Variants in SBF2 observed in about 807,000 individuals in gnomAD.
SBF2 encodes SET binding factor 2, also known as myotubularin-related protein 13.
SBF2 carries 112 observed loss-of-function variants against 225.2 expected under a neutral mutation model. The ratio of observed to expected loss-of-function variants is 0.50; its 90% CI spans 0.43 to 0.58. The LOEUF is 0.58. Ranked by LOEUF, SBF2 falls within the 20% of genes least tolerant of loss-of-function variation. SBF2 has a pLI of 0.00. For missense variants in SBF2, 1,996 were observed against 2,206.2 expected (o/e 0.90, Z 1.91); for synonymous variants, 763 against 773.3 (o/e 0.99, Z 0.22).
intron 16 of SBF2, chr11:9,956,812 A>G (rs1018278126): frequency 2.2e-4 from 34 of 152,202 alleles, no homozygotes; most frequent in African/African-American, 7.7e-4. Context: ...GAAAAAAATA[A>G]CTGCTCAGTA....
intron 2 of SBF2, among the ~76,000 whole-genome samples, chr11:10,120,048 T>C (rs1385836790): frequency 2.6e-5 from 4 of 152,218 alleles, no homozygotes; most frequent in Non-Finnish European, 4.4e-5. Flanking sequence ...AACTTTTTCA[T>C]CCTGCAAAAC....
intron 1 of SBF2, among the ~76,000 whole-genome samples, chr11:10,269,889 C>T (rs990916278): frequency 6.6e-6 from 1 of 152,114 alleles, no homozygotes; most frequent in Non-Finnish European, 1.5e-5. Context: ...AGCCTCCCAA[C>T]TTGCTGGGAT....
chr11:9,844,939 A>C (rs1856431036), intron 24 of SBF2, among the ~76,000 whole-genome samples: 1 of 152,162 alleles, frequency 6.6e-6, no homozygotes, highest in South Asian at 2.1e-4. Context: ...TAAAATAAAA[A>C]ACATAAAAAG....
chr11:10,042,345 G>GA (rs758425315), intron 3 of SBF2, among the ~76,000 whole-genome samples: 94 of 152,260 alleles, frequency 6.2e-4, no homozygotes, highest in Admixed American at 3.3e-3. Flanking sequence ...CCAATAGTCT[G>GA]AAAGAGCAAT....
At chr11:10,034,666 TA>T (rs1460061647) in intron 3 of SBF2, among the ~76,000 whole-genome samples, 1 of 152,212 alleles carries the variant, frequency 6.6e-6, no homozygotes, top group Non-Finnish European at 1.5e-5. Context: ...TAATCAGTTA[TA>T]AAAGGAGGAT....
intron 17 of SBF2, among the ~76,000 whole-genome samples, chr11:9,878,562 C>T (rs568821211): frequency 2.0e-5 from 3 of 152,300 alleles, no homozygotes; most frequent in South Asian, 2.1e-4. Flanking sequence ...TACATATAGT[C>T]TGTCTCTTAA....
intron 17 of SBF2, among the ~76,000 whole-genome samples, chr11:9,882,404 A>G (rs1314338857): frequency 1.3e-5 from 2 of 152,234 alleles, no homozygotes; most frequent in Non-Finnish European, 2.9e-5. Context: ...CACAGAAGGT[A>G]TACAATTGTC....
chr11:10,218,516 T>C (rs1011830058), intron 1 of SBF2, among the ~76,000 whole-genome samples: 7 of 151,864 alleles, frequency 4.6e-5, no homozygotes, highest in Non-Finnish European at 8.8e-5. Context: ...TCCACCAAAG[T>C]CTTAACTCAT....
At chr11:9,923,659 C>A (rs1387534705) in intron 16 of SBF2, among the ~76,000 whole-genome samples, 1 of 152,122 alleles carries the variant, frequency 6.6e-6, no homozygotes, top group Non-Finnish European at 1.5e-5. Context: ...CTCCTCCTGG[C>A]ACATGGAGAT....
chr11:10,066,684 G>A (rs1461519796), intron 2 of SBF2, among the ~76,000 whole-genome samples: 10 of 152,074 alleles, frequency 6.6e-5, no homozygotes, highest in African/African-American at 2.4e-4. Flanking sequence ...TTGAAAAACC[G>A]AATGCTTTTC....
intron 1 of SBF2, among the ~76,000 whole-genome samples, chr11:10,218,343 C>A (rs1350426275): frequency 9.4e-6 from 1 of 106,560 alleles, no homozygotes; most frequent in East Asian, 2.9e-4. Flanking sequence ...CCCAATGATT[C>A]AATTACCTCC....
chr11:10,105,835 A>G (rs1952522956), intron 2 of SBF2, among the ~76,000 whole-genome samples: 4 of 152,236 alleles, frequency 2.6e-5, no homozygotes, highest in Admixed American at 2.6e-4. Context: ...CTCTAAAAAT[A>G]CAATCTAATG....
chr11:10,116,334 C>T (rs369527748), intron 2 of SBF2, among the ~76,000 whole-genome samples: 15 of 151,938 alleles, frequency 9.9e-5, no homozygotes, highest in East Asian at 5.8e-4. Context: ...GAAAGTAAGA[C>T]GATACATATA....
At position 10,029,865 on chromosome 11, in the gene SBF2, C is replaced by G. The variant is rs1949191748; in HGVS notation, c.413G>C (p.Gly138Ala). ...GTCCACATACACGGTATAGATCAAA[C>G]CCAGGCAAGCCTGCAAAAAGATAAA... is the stretch of plus-strand genomic sequence containing the variant. ...YYPEIFRACL[G>A]LIYTVYVDSL... The change falls in exon 5 of 40, where the codon GGT becomes GCT. Residue 138 changes from glycine to alanine, a missense_variant. Physicochemically the swap from Gly to Ala is moderately conservative, Grantham distance 60. Coordinates refer to ENST00000256190, the MANE Select transcript of SBF2 (RefSeq NM_030962.4). 1 of 1,609,114 alleles carries G rather than the reference C, an allele frequency of 6.2e-7. No homozygotes were observed. The highest frequency in any genetic ancestry group is 1.7e-5 in the Admixed American group (1 of 59,992).
intron 1 of SBF2, among the ~76,000 whole-genome samples, chr11:10,232,577 T>G (rs1005386578): frequency 7.2e-6 from 1 of 139,686 alleles, no homozygotes; most frequent in Admixed American, 7.3e-5. Flanking sequence ...TTTTTTTTTT[T>G]GTAAGGGACA....
intron 1 of SBF2, among the ~76,000 whole-genome samples, chr11:10,289,762 T>C (rs571044119): frequency 6.6e-6 from 1 of 152,148 alleles, no homozygotes; most frequent in East Asian, 1.9e-4. Flanking sequence ...AAGCAGGCAC[T>C]GCTCCCACTT....
intron 2 of SBF2, among the ~76,000 whole-genome samples, chr11:10,099,274 C>A (rs1038468536): frequency 2.6e-5 from 4 of 152,014 alleles, no homozygotes; most frequent in African/African-American, 9.7e-5. Context: ...CAAGCTTCTC[C>A]CTAAAAATGT....
At chr11:10,174,192 T>G (rs1278580793) in intron 2 of SBF2, among the ~76,000 whole-genome samples, 1 of 152,124 alleles carries the variant, frequency 6.6e-6, no homozygotes, top group Non-Finnish European at 1.5e-5. Flanking sequence ...ACAAGAAGGC[T>G]TCAGACGATC....
intron 1 of SBF2, among the ~76,000 whole-genome samples, chr11:10,233,853 T>C (rs1283199546): frequency 6.6e-6 from 1 of 152,192 alleles, no homozygotes; most frequent in Non-Finnish European, 1.5e-5. Context: ...ACTCCTTCGA[T>C]ATACAATCTT....
Sources: gnomAD v4.1 joint callset for allele counts (sites outside exome capture counted in the v4.1 genomes callset) on GRCh38, gnomAD v4.1.1 for gene constraint, MANE v1.5 for transcripts, NCBI Gene and HGNC (gene_info 2026-07-23, HGNC 2026-07-21) for gene names.